Variants in WDTC1 observed in about 807,000 individuals in gnomAD.
The protein encoded by WDTC1 is WD and tetratricopeptide repeats 1.
Under a neutral mutation model 76.0 loss-of-function variants are expected in WDTC1, and 12 were observed. The ratio of observed to expected loss-of-function variants is 0.16; its 90% CI spans 0.10 to 0.26. The LOEUF is 0.26. WDTC1 is among the 10% of genes least tolerant of loss of function. The probability of loss-of-function intolerance (pLI) is 1.00; values close to 1 mark genes in which losing one functional copy is unlikely to be tolerated. For synonymous variants in WDTC1, 326 were observed against 350.8 expected (o/e 0.93, Z 0.79); for missense variants, 511 against 908.8 (o/e 0.56, Z 5.63).
chr1:27,266,732 A>G (rs529200643), intron 3 of WDTC1, among the ~76,000 whole-genome samples: 29 of 152,304 alleles, frequency 1.9e-4, no homozygotes, highest in African/African-American at 5.8e-4. Context: ...ATGTTAGTCA[A>G]TAATAGTTTA....
At chr1:27,262,367 T>C (rs2012507016) in intron 2 of WDTC1, among the ~76,000 whole-genome samples, 1 of 152,022 alleles carries the variant, frequency 6.6e-6, no homozygotes, top group Non-Finnish European at 1.5e-5. Context: ...CCTGCATCCC[T>C]GAATCCTTTT....
Position 27,283,321 on chromosome 1 carries a change from C to A in WDTC1, c.180-17C>A, listed in dbSNP as rs2013242612. 1.2e-6 allele frequency: 2 copies of A among 1,607,218 alleles called. No individual in the cohort carries two copies. The highest frequency in any genetic ancestry group is 2.7e-5 in the African/African-American group (2 of 74,886). ...AGGAATTTGAGGAGAGATCACAATC[C>A]CTCACTCTGCTTTCAGCTTGCTGGC... On this transcript the variant is annotated splice_polypyrimidine_tract_variant and intron_variant, in intron 4 of 15. Coordinates refer to ENST00000319394, the MANE Select transcript of WDTC1 (RefSeq NM_001276252.2).
At chr1:27,304,037 C>T (rs992345809) in intron 14 of WDTC1, 66 of 470,000 alleles carry the variant, frequency 1.4e-4, no homozygotes, top group African/African-American at 1.2e-3. Context: ...GAGCCTCCAG[C>T]GCAGTGCCTG....
In WDTC1 at chr1:27,261,933, A is replaced by AT. The variant is rs1300387135; in HGVS notation, c.48+845dup. Among the ~76,000 whole-genome samples the AT allele has an allele frequency of 1.5e-3, 228 of 147,176 alleles. 2 individuals carry two copies. Among genetic ancestry groups the AT allele is most frequent in the Middle Eastern group, 7.1e-3 (2 of 280 alleles). On this transcript the variant is annotated intron_variant, in intron 2 of 15. Coordinates refer to ENST00000319394, the MANE Select transcript of WDTC1 (RefSeq NM_001276252.2). ...TAAAAAGTACTAAAGTACTAAAAAA[A>AT]TTTTTTTTTTTTTTGAGACAGAGTG...
At chr1:27,284,152 A>C (rs1004372421) in intron 5 of WDTC1, among the ~76,000 whole-genome samples, 6 of 152,186 alleles carry the variant, frequency 3.9e-5, no homozygotes, top group Admixed American at 2.0e-4. Flanking sequence ...AGTCCACAGA[A>C]TTAAATGTGG....
chr1:27,263,024 G>A, intron 2 of WDTC1, 128 bp from the exon 3 acceptor site: 1 of 854,814 alleles, frequency 1.2e-6, no homozygotes, highest in Non-Finnish European at 1.8e-6. Context: ...ACAAAGTCCT[G>A]TAGGCCAGTT....
rs1450879586 is a variant in WDTC1, at chr1:27,287,871, TG to T, written c.479+14del. The T allele has an allele frequency of 6.2e-7, 1 of 1,610,850 alleles. No individual in the cohort carries two copies. The highest frequency in any genetic ancestry group is 8.5e-7 in the Non-Finnish European group (1 of 1,178,414). ...AGGATGGGCTTATCCGGTAAGAGTC[TG>T]GGGCATCTAGTGGAGCCTGTCGCTC... is the stretch of plus-strand genomic sequence containing the variant. On this transcript the variant is annotated intron_variant, in intron 6 of 15. Coordinates refer to ENST00000319394, the MANE Select transcript of WDTC1 (RefSeq NM_001276252.2).
chr1:27,289,026 G>A lies in WDTC1; in HGVS notation c.479+1165G>A, dbSNP rs1427026910. ...TCCCGGACGGGGCGGCTGGCTGGGC[G>A]GGGGGCTGACCCCCCCACCTCCCTC... On this transcript the variant is annotated intron_variant, in intron 6 of 15. Coordinates refer to ENST00000319394, the MANE Select transcript of WDTC1 (RefSeq NM_001276252.2). Among the ~76,000 whole-genome samples the A allele has an allele frequency of 2.3e-4, 30 of 132,784 alleles. No homozygotes were observed. In the East Asian group the frequency reaches 5.4e-3, roughly 24 times the overall value. The allele number at this position is 132,784 out of a possible 152,430, so 87.1% of individuals were successfully genotyped here. A position where few individuals can be genotyped will look rare whatever the true frequency, so the allele number is the denominator to read the frequency against.
chr1:27,289,461 T>C (rs1339528379), intron 6 of WDTC1, among the ~76,000 whole-genome samples: 1 of 130,436 alleles, frequency 7.7e-6, no homozygotes, highest in Non-Finnish European at 1.6e-5. Context: ...ACTTCCTAGA[T>C]GGGATGGCGG....
rs144205934 is a variant in WDTC1 at position 27,236,943 on chromosome 1, A to G, written c.-100+1992A>G. On this transcript the variant is annotated intron_variant, in intron 1 of 15. Transcript: ENST00000319394. ...AACCTCAGCCTCCTGGGTTCAAGCA[A>G]TTCTCTGCTTCAGCCTCCCAAGTAG... is the stretch of plus-strand genomic sequence containing the variant. Among the ~76,000 whole-genome samples, 706 of 152,166 alleles carry G rather than the reference A, an allele frequency of 4.6e-3. 6 individuals are homozygous for G. Among genetic ancestry groups the G allele is most frequent in the African/African-American group, 0.016 (676 of 41,514 alleles).
intron 1 of WDTC1, among the ~76,000 whole-genome samples, chr1:27,244,380 G>T (rs529055950): frequency 2.0e-5 from 3 of 152,002 alleles, no homozygotes; most frequent in Non-Finnish European, 4.4e-5. Flanking sequence ...ACACGGGCTG[G>T]AGTGCAGAGG....
chr1:27,288,117 A>G (rs892350024), intron 6 of WDTC1, among the ~76,000 whole-genome samples: 7 of 151,976 alleles, frequency 4.6e-5, no homozygotes, highest in African/African-American at 1.7e-4. Context: ...CAGGGTCTCT[A>G]CTGCCTCTGG....
chr1:27,294,145 ACT>A (rs774118274), intron 8 of WDTC1, 29 bp downstream of exon 8: 175 of 1,605,284 alleles, frequency 1.1e-4, no homozygotes, highest in Admixed American at 6.8e-4. Context: ...CTGGCCCCAA[ACT>A]CTCGGCTAGA....
At chr1:27,276,589 A>G (rs2013034016) in intron 3 of WDTC1, among the ~76,000 whole-genome samples, 2 of 151,878 alleles carry the variant, frequency 1.3e-5, no homozygotes, top group Admixed American at 6.6e-5. Context: ...GCTACTTGGG[A>G]GGCTGAGGCA....
chr1:27,273,718 T>C (rs1468739833), intron 3 of WDTC1, among the ~76,000 whole-genome samples: 1 of 151,998 alleles, frequency 6.6e-6, no homozygotes, highest in Non-Finnish European at 1.5e-5. Flanking sequence ...GAATGACCAA[T>C]GTTCTTAAGA....
chr1:27,245,855 C>G (rs2011812010), intron 1 of WDTC1, among the ~76,000 whole-genome samples: 1 of 151,514 alleles, frequency 6.6e-6, no homozygotes, highest in Non-Finnish European at 1.5e-5. Flanking sequence ...CAGGCATGAG[C>G]CACTGTAATC....
At chr1:27,291,222 C>T (rs1227747631) in intron 6 of WDTC1, among the ~76,000 whole-genome samples, 1 of 152,156 alleles carries the variant, frequency 6.6e-6, no homozygotes, top group Non-Finnish European at 1.5e-5. Context: ...ATGGCATGTG[C>T]AGGATAAAGA....
intron 3 of WDTC1, among the ~76,000 whole-genome samples, chr1:27,266,274 C>T (rs551715814): frequency 5.5e-4 from 84 of 152,248 alleles, no homozygotes; most frequent in African/African-American, 2.0e-3. Context: ...CATGGTATCA[C>T]GGTAGCCAAG....
At chr1:27,289,791 CG>C (rs2013478710) in intron 6 of WDTC1, among the ~76,000 whole-genome samples, 3 of 151,830 alleles carry the variant, frequency 2.0e-5, no homozygotes, top group Non-Finnish European at 4.4e-5. Context: ...GAGACCGGCC[CG>C]GCCAACACAG....
Sources: gnomAD v4.1 joint callset for allele counts (sites outside exome capture counted in the v4.1 genomes callset) on GRCh38, gnomAD v4.1.1 for gene constraint, MANE v1.5 for transcripts, NCBI Gene and HGNC (gene_info 2026-07-23, HGNC 2026-07-21) for gene names.